The following PAK1 variants were observed in gnomAD, a reference collection of about 807,000 sequenced individuals.
The protein encoded by PAK1 is serine/threonine-protein kinase PAK 1.
In PAK1, 29 loss-of-function variants were observed where a neutral mutation model predicts 67.4. The ratio of observed to expected loss-of-function variants is 0.43; its 90% CI spans 0.32 to 0.59. The LOEUF (loss-of-function observed/expected upper bound fraction) is 0.59. Among genes scored for constraint, PAK1 ranks in the 20% least tolerant of loss-of-function variants. The probability of loss-of-function intolerance (pLI) is 0.07; values close to 1 mark genes in which losing one functional copy is unlikely to be tolerated. For missense variants in PAK1, 337 were observed against 670.7 expected (o/e 0.50, Z 5.50); for synonymous variants, 223 against 237.4 (o/e 0.94, Z 0.56).
At chr11:77,325,237 T>G in intron 14 of PAK1, 1 of 1,511,740 alleles carries the variant, frequency 6.6e-7, no homozygotes, top group Non-Finnish European at 9.1e-7. Context: ...GGGCTTCCAG[T>G]TGTGATACTC....
In PAK1 at chr11:77,337,414, C is replaced by G. The variant is rs1352872191; in HGVS notation, c.1126G>C (p.Ala376Pro). Residue 376 changes from alanine (A) to proline (P), a missense_variant, in exon 12 of 15, where the codon GCT becomes CCT. Ala to Pro is a conservative substitution (Grantham distance 27). Transcript: ENST00000356341. ...TGGTTCGAATGCAAGAACTCCAGAG[C>G]CTGCAGACACTATTGAAGTGGTGTG... Reference protein sequence around the residue: ...IAAVCRECLQALEFLHSNQVI... With the variant: ...IAAVCRECLQPLEFLHSNQVI... 6.3e-7 allele frequency: 1 copy of G among 1,594,364 alleles called. No homozygotes were observed. Among genetic ancestry groups the G allele is most frequent in the Non-Finnish European group, 8.6e-7 (1 of 1,162,744 alleles).
At chr11:77,363,446 C>T (rs1324176701) in intron 5 of PAK1, among the ~76,000 whole-genome samples, 1 of 152,178 alleles carries the variant, frequency 6.6e-6, no homozygotes, top group Non-Finnish European at 1.5e-5. Flanking sequence ...CCCACTCCCT[C>T]CATGAGAAGC....
chr11:77,481,530 C>G, the PAK1 span, among the ~76,000 whole-genome samples: 1 of 151,886 alleles, frequency 6.6e-6, no homozygotes, highest in Non-Finnish European at 1.5e-5. Context: ...CAAAAATTAG[C>G]CAGGTGTGGT....
chr11:77,331,092 C>T (rs569661440), intron 14 of PAK1, among the ~76,000 whole-genome samples: 5 of 152,338 alleles, frequency 3.3e-5, no homozygotes, highest in African/African-American at 1.2e-4. Context: ...GAGATACCAT[C>T]TCACACCAGT....
chr11:77,514,390 G>A, the PAK1 span, among the ~76,000 whole-genome samples: 450 of 152,256 alleles, frequency 3.0e-3, 3 homozygotes, highest in African/African-American at 0.01. Flanking sequence ...AGCTACTTGG[G>A]AGGCTGAGGC....
At chr11:77,482,861 C>A in the PAK1 span, among the ~76,000 whole-genome samples, 11 of 152,188 alleles carry the variant, frequency 7.2e-5, no homozygotes, top group Middle Eastern at 3.4e-3. Context: ...CGACTTCAGA[C>A]TCCCAAAGTG....
chr11:77,413,649 C>T (rs1482750708), intron 1 of PAK1, among the ~76,000 whole-genome samples: 1 of 151,476 alleles, frequency 6.6e-6, no homozygotes, highest in Non-Finnish European at 1.5e-5. Context: ...CACCACTGGA[C>T]TCCAGCCTGG....
chr11:77,472,609 G>A (rs1208649817), intron 1 of PAK1, among the ~76,000 whole-genome samples: 1 of 152,186 alleles, frequency 6.6e-6, no homozygotes, highest in Non-Finnish European at 1.5e-5. Flanking sequence ...AAGCCACAGG[G>A]TAAGAGAGAT....
intron 5 of PAK1, among the ~76,000 whole-genome samples, chr11:77,364,956 T>C (rs1045826410): frequency 4.0e-5 from 6 of 151,898 alleles, no homozygotes; most frequent in African/African-American, 1.5e-4. Flanking sequence ...ATCAATGAAT[T>C]TGAAAATGGA....
At chr11:77,504,285 CAA>C in the PAK1 span, among the ~76,000 whole-genome samples, 33 of 137,510 alleles carry the variant, frequency 2.4e-4, no homozygotes, top group African/African-American at 3.4e-4. Context: ...CTTTCTAAAG[CAA>C]AAAAAAAAAA....
chr11:77,522,765 G>T, the PAK1 span, among the ~76,000 whole-genome samples: 1 of 152,224 alleles, frequency 6.6e-6, no homozygotes, highest in Admixed American at 6.5e-5. Context: ...AAAAACACAT[G>T]CACTCATATG....
the PAK1 span, among the ~76,000 whole-genome samples, chr11:77,525,884 G>A: frequency 4.6e-5 from 7 of 152,196 alleles, no homozygotes; most frequent in Admixed American, 1.3e-4. Context: ...AGGGAAAAGT[G>A]AGATCTTGAA....
intron 1 of PAK1, among the ~76,000 whole-genome samples, chr11:77,420,731 G>T (rs1955214931): frequency 6.6e-6 from 1 of 152,224 alleles, no homozygotes; most frequent in African/African-American, 2.4e-5. Context: ...GTGGGGTGAA[G>T]AGGAGTTAGG....
At position 77,381,176 on chromosome 11, in the gene PAK1, T is replaced by TAG. The variant is rs34662190; in HGVS notation, c.191-1184_191-1183dup. ...GTGTGTGTGTGTGTGTGTGTGTGTGTAGAGAGAGAGAGAGAAAGAGAGACC... is the reference window on the plus strand; with the variant it reads ...GTGTGTGTGTGTGTGTGTGTGTGTGTAGAGAGAGAGAGAGAGAAAGAGAGACC... On this transcript the variant is annotated intron_variant, in intron 2 of 14. Transcript: ENST00000356341. 3.3e-4 allele frequency among the ~76,000 whole-genome samples: 45 copies of TAG among 135,442 alleles called. 1 individual carries two copies. The highest frequency in any genetic ancestry group is 1.1e-3 in the African/African-American group (38 of 33,610). 88.9% of individuals were successfully genotyped at this position (135,442 alleles called of 152,430 possible). A position where few individuals can be genotyped will look rare whatever the true frequency, so the allele number is the denominator to read the frequency against.
the PAK1 span, among the ~76,000 whole-genome samples, chr11:77,522,237 CTCTTT>C: frequency 6.6e-6 from 1 of 152,188 alleles, no homozygotes; most frequent in African/African-American, 2.4e-5. Flanking sequence ...GAATAAACTT[CTCTTT>C]TCTTGAGGTC....
chr11:77,365,179 G>A (rs1239605539), intron 5 of PAK1, among the ~76,000 whole-genome samples: 1 of 149,538 alleles, frequency 6.7e-6, no homozygotes, highest in East Asian at 2.0e-4. Context: ...TTGAACTCAG[G>A]AGGCAGAGGT....
intron 1 of PAK1, among the ~76,000 whole-genome samples, chr11:77,407,901 T>C (rs946278673): frequency 6.6e-6 from 1 of 152,150 alleles, no homozygotes; most frequent in East Asian, 1.9e-4. Context: ...ACCTGCCACA[T>C]GGGATTGTTC....
the PAK1 span, among the ~76,000 whole-genome samples, chr11:77,511,910 T>TG: frequency 7.2e-5 from 11 of 152,112 alleles, no homozygotes; most frequent in East Asian, 7.7e-4. Context: ...AGGAAGGGGT[T>TG]GGGGGGCGTT....
intron 2 of PAK1, among the ~76,000 whole-genome samples, chr11:77,391,697 C>G (rs1352440657): frequency 6.6e-6 from 1 of 152,152 alleles, no homozygotes; most frequent in Non-Finnish European, 1.5e-5. Flanking sequence ...TTCATATACA[C>G]TATTAAATCA....
Sources: allele counts gnomAD v4.1 joint callset (sites outside exome capture counted in the v4.1 genomes callset), GRCh38; gene constraint gnomAD v4.1.1; transcripts MANE v1.5; gene names NCBI Gene and HGNC (gene_info 2026-07-23, HGNC 2026-07-21).